MCM5: variants seen among roughly 807,000 people sequenced by gnomAD.
The protein encoded by MCM5 is minichromosome maintenance complex component 5, also known as DNA replication licensing factor MCM5.
MCM5 carries 46 observed loss-of-function variants against 79.9 expected under a neutral mutation model. The ratio of observed to expected loss-of-function variants is 0.58; its 90% CI spans 0.45 to 0.74. The LOEUF (loss-of-function observed/expected upper bound fraction) is 0.74. Ranked by LOEUF, MCM5 falls within the 30% of genes least tolerant of loss-of-function variation. The probability of loss-of-function intolerance (pLI) is 0.00; values close to 1 mark genes in which losing one functional copy is unlikely to be tolerated. For missense variants in MCM5, 883 were observed against 1,017.0 expected (o/e 0.87, Z 1.79); for synonymous variants, 404 against 390.5 (o/e 1.03, Z -0.41).
chr22:35,442,230 C>T, the MCM5 span, among the ~76,000 whole-genome samples: 3 of 152,018 alleles, frequency 2.0e-5, no homozygotes, highest in Non-Finnish European at 4.4e-5. Flanking sequence ...GGCCCACCAC[C>T]CCCAGACACA....
At chr22:35,418,671 A>AG (rs1932611539) in intron 13 of MCM5, among the ~76,000 whole-genome samples, 1 of 125,506 alleles carries the variant, frequency 8.0e-6, no homozygotes. Context: ...AAAAAAAAAA[A>AG]TATATATATA....
chr22:35,421,831 C>T (rs1308587893), intron 15 of MCM5: 5 of 345,090 alleles, frequency 1.4e-5, no homozygotes, highest in Admixed American at 7.8e-5. Flanking sequence ...CCCCTGGAAG[C>T]CAGGTGAGCA....
the MCM5 span, among the ~76,000 whole-genome samples, chr22:35,445,296 G>A: frequency 1.4e-5 from 2 of 143,928 alleles, no homozygotes; most frequent in African/African-American, 2.6e-5. Flanking sequence ...AAGGGAAAGT[G>A]TAACCTGTGT....
chr22:35,453,421 GAGACAC>G, the MCM5 span, among the ~76,000 whole-genome samples: 3 of 143,122 alleles, frequency 2.1e-5, no homozygotes, highest in African/African-American at 5.5e-5. Context: ...GTGATTCAGA[GAGACAC>G]AGAGACAGAG....
chr22:35,453,613 A>C, the MCM5 span, among the ~76,000 whole-genome samples: 2 of 151,480 alleles, frequency 1.3e-5, no homozygotes, highest in Admixed American at 1.3e-4. Flanking sequence ...AAATAGAGAC[A>C]GAGAGATAAA....
chr22:35,408,475 G>A lies in MCM5; in HGVS notation c.664G>A (p.Val222Met), dbSNP rs761515212. The change falls in exon 6 of 17, where the codon GTG (valine) becomes ATG (methionine). Residue 222 changes from valine to methionine, a missense_variant. Around this residue, in one of 3 missense-constraint regions of MCM5, gnomAD observed 455 missense variants for 517.5 expected, o/e 0.88. Transcript: ENST00000216122. ...CATCATGCCCGACAAATGCAAATGC[G>A]TGGACTTCCAGACCCTGAAGCTGCA... is the stretch of plus-strand genomic sequence containing the variant. The part of the protein sequence containing the change: ...YFIMPDKCKC[V>M]DFQTLKLQEL... 19 of 1,614,090 alleles carry A rather than the reference G, an allele frequency of 1.2e-5. No individual in the cohort carries two copies. Among genetic ancestry groups the A allele is most frequent in the African/African-American group, 6.7e-5 (5 of 74,938 alleles).
At chr22:35,449,500 T>C in the MCM5 span, among the ~76,000 whole-genome samples, 1 of 152,006 alleles carries the variant, frequency 6.6e-6, no homozygotes, top group African/African-American at 2.4e-5. Flanking sequence ...CTGTGGCCTC[T>C]CTGCCCAGCC....
chr22:35,413,598 G>T (rs1209292754), intron 8 of MCM5, among the ~76,000 whole-genome samples: 2 of 152,124 alleles, frequency 1.3e-5, no homozygotes, highest in African/African-American at 4.8e-5. Flanking sequence ...CTCAGATGCT[G>T]GGTGTACCCG....
rs968383004 is a variant in MCM5, at chr22:35,400,171, C to T, written c.-46C>T. On this transcript the variant is annotated 5_prime_UTR_variant, in exon 1 of 17. Coordinates refer to ENST00000216122, the MANE Select transcript of MCM5 (RefSeq NM_006739.4). ...AACTCGGCGGCTGAGCGTGGAGGTTCTTGTCTCCCCTGGTTTGTGAAGTGC... is the reference window on the plus strand; with the variant it reads ...AACTCGGCGGCTGAGCGTGGAGGTTTTTGTCTCCCCTGGTTTGTGAAGTGC... 6 of 465,648 alleles carry T rather than the reference C, an allele frequency of 1.3e-5. No individual in the cohort carries two copies. Among genetic ancestry groups the T allele is most frequent in the South Asian group, 6.7e-5 (3 of 44,446 alleles). 28.8% of individuals were successfully genotyped at this position (465,648 alleles called of 1,614,324 possible).
At chr22:35,439,726 C>T in the MCM5 span, among the ~76,000 whole-genome samples, 5 of 152,188 alleles carry the variant, frequency 3.3e-5, no homozygotes, top group African/African-American at 1.2e-4. Context: ...CTAATGCTTC[C>T]TCTATCACTT....
chr22:35,447,279 T>C, the MCM5 span, among the ~76,000 whole-genome samples: 1 of 151,864 alleles, frequency 6.6e-6, no homozygotes, highest in African/African-American at 2.4e-5. Context: ...CCCCGACGGG[T>C]TTGGGGGTTC....
the MCM5 span, among the ~76,000 whole-genome samples, chr22:35,453,813 T>TAGAGAGAGAG: frequency 3.2e-5 from 3 of 94,756 alleles, no homozygotes; most frequent in South Asian, 1.1e-3. Flanking sequence ...TATATATATA[T>TAGAGAGAGAG]ATATATAGAG....
the MCM5 span, among the ~76,000 whole-genome samples, chr22:35,448,127 TG>T: frequency 6.6e-6 from 1 of 152,210 alleles, no homozygotes; most frequent in South Asian, 2.1e-4. Flanking sequence ...AACAAGGGCT[TG>T]GGGGAGGAGT....
chr22:35,414,180 C>T (rs1160206206), intron 9 of MCM5, among the ~76,000 whole-genome samples, 194 bp downstream of exon 9: 1 of 152,120 alleles, frequency 6.6e-6, no homozygotes, highest in African/African-American at 2.4e-5. Context: ...AGGTTTGGGG[C>T]AGGGGGCGAG....
chr22:35,423,191 G>T (rs368306830), intron 15 of MCM5, 23 bp from the exon 16 acceptor site: 7 of 1,538,444 alleles, frequency 4.6e-6, no homozygotes, highest in Non-Finnish European at 6.2e-6. Flanking sequence ...CTCCCCGGCT[G>T]CCTCACTTCT....
rs190071515 is a variant in MCM5, at chr22:35,400,905, C to T, written c.167+300C>T. On this transcript the variant is annotated intron_variant, in intron 2 of 16. Coordinates refer to ENST00000216122, the MANE Select transcript of MCM5 (RefSeq NM_006739.4). ...CACGATCTCGGCTCACTGCAACCTCCGCTTCCCGGGTTCAAGCGATTCTTG... is the reference window on the plus strand; with the variant it reads ...CACGATCTCGGCTCACTGCAACCTCTGCTTCCCGGGTTCAAGCGATTCTTG... Among the ~76,000 whole-genome samples the T allele has an allele frequency of 1.7e-3, 264 of 152,300 alleles. 2 individuals carry two copies. The highest frequency in any genetic ancestry group is 6.1e-3 in the African/African-American group (253 of 41,556).
At chr22:35,442,738 C>A in the MCM5 span, among the ~76,000 whole-genome samples, 1 of 152,218 alleles carries the variant, frequency 6.6e-6, no homozygotes, top group Non-Finnish European at 1.5e-5. Flanking sequence ...CAAATAATCT[C>A]CCCATCTTAA....
At chr22:35,438,591 CCATG>C in the MCM5 span, among the ~76,000 whole-genome samples, 17 of 48,084 alleles carry the variant, frequency 3.5e-4, 1 homozygote, top group South Asian at 1.1e-3. Context: ...ATCCATCCAT[CCATG>C]CATCCACCCA....
intron 7 of MCM5, 136 bp from the exon 8 acceptor site, chr22:35,412,374 A>G: frequency 1.7e-6 from 1 of 595,496 alleles, no homozygotes; most frequent in Non-Finnish European, 2.7e-6. Flanking sequence ...CTGTTTACTC[A>G]GATAGGTTGT....
Sources: gnomAD v4.1 joint callset for allele counts (sites outside exome capture counted in the v4.1 genomes callset) on GRCh38, gnomAD v4.1.1 for gene constraint, gnomAD v4.1.1 regional missense constraint, MANE v1.5 for transcripts, NCBI Gene and HGNC (gene_info 2026-07-23, HGNC 2026-07-21) for gene names.